Variants in SLC25A20 observed in about 807,000 individuals in gnomAD.
SLC25A20 encodes solute carrier family 25 member 20.
A neutral mutation model predicts 39.7 loss-of-function variants in SLC25A20; 29 were observed. That is an observed-to-expected ratio of 0.73 (90% confidence interval 0.54 to 1.00). The LOEUF is 1.00. Ranked by LOEUF, SLC25A20 falls within the 50% of genes least tolerant of loss-of-function variation. SLC25A20 has a pLI of 0.00. For missense variants in SLC25A20, 333 were observed against 379.9 expected, an observed-to-expected ratio of 0.88 and a Z score of 1.03; for synonymous variants, 103 against 142.2, an observed-to-expected ratio of 0.72 and a Z score of 1.96.
At chr3:48,864,749 C>T (rs1213709472) in intron 4 of SLC25A20, among the ~76,000 whole-genome samples, 1 of 151,922 alleles carries the variant, frequency 6.6e-6, no homozygotes, top group Admixed American at 6.6e-5. Context: ...TATGTACAGA[C>T]TATAAGAAGG....
chr3:48,896,291 G>A (rs748683841), intron 1 of SLC25A20, among the ~76,000 whole-genome samples: 8 of 150,944 alleles, frequency 5.3e-5, no homozygotes, highest in Non-Finnish European at 1.0e-4. Flanking sequence ...AGCCTCAGCC[G>A]CCTGAGTAGC....
In SLC25A20 at chr3:48,857,551, G is replaced by C; in HGVS notation, c.*159C>G. The C allele has an allele frequency of 1.5e-6, 1 of 688,838 alleles. No homozygotes were observed. Among genetic ancestry groups the C allele is most frequent in the Non-Finnish European group, 2.7e-6 (1 of 373,672 alleles). The allele number at this position is 688,838 out of a possible 1,614,324, so 42.7% of individuals were successfully genotyped here. ...ACACACTAAGTTATACACGGTGCAG[G>C]ATGTCATTAAGGCAACAGTCTCACC... On this transcript the variant is annotated 3_prime_UTR_variant, in exon 9 of 9. Transcript: ENST00000319017.
intron 2 of SLC25A20, among the ~76,000 whole-genome samples, chr3:48,890,815 C>T (rs890601890): frequency 7.3e-5 from 11 of 151,470 alleles, no homozygotes; most frequent in Admixed American, 3.3e-4. Flanking sequence ...CCACGACGTC[C>T]GGCTAATTTT....
chr3:48,867,075 G>A (rs1321182754), intron 4 of SLC25A20, among the ~76,000 whole-genome samples: 3 of 151,976 alleles, frequency 2.0e-5, no homozygotes, highest in African/African-American at 7.3e-5. Flanking sequence ...GATTACAGGT[G>A]TGAGCCACCG....
At chr3:48,892,795 G>A (rs2083886647) in intron 1 of SLC25A20, among the ~76,000 whole-genome samples, 1 of 152,106 alleles carries the variant, frequency 6.6e-6, no homozygotes, top group Non-Finnish European at 1.5e-5. Context: ...TCAGAATAAT[G>A]TGTGACCAAA....
chr3:48,879,591 T>A (rs2083784860), intron 3 of SLC25A20, 143 bp from the exon 4 acceptor site: 1 of 704,988 alleles, frequency 1.4e-6, no homozygotes, highest in Non-Finnish European at 2.6e-6. Context: ...TGAATCAGAT[T>A]TCGCACAAAA....
At chr3:48,891,914 G>A in intron 2 of SLC25A20, 66 bp downstream of exon 2, 2 of 1,275,360 alleles carry the variant, frequency 1.6e-6, no homozygotes, top group Non-Finnish European at 2.3e-6. Flanking sequence ...TACTCTCCTT[G>A]GGGGTAACAA....
At chr3:48,882,022 C>A (rs190928521) in intron 3 of SLC25A20, among the ~76,000 whole-genome samples, 2 of 152,194 alleles carry the variant, frequency 1.3e-5, no homozygotes, top group African/African-American at 4.8e-5. Flanking sequence ...AGAATACAAC[C>A]GCATGGCGCC....
intron 2 of SLC25A20, among the ~76,000 whole-genome samples, chr3:48,891,201 A>T (rs1343976151): frequency 6.6e-6 from 1 of 152,120 alleles, no homozygotes; most frequent in African/African-American, 2.4e-5. Context: ...CAGCCTCCCA[A>T]GTAGCTGGGA....
chr3:48,873,968 C>CA (rs11316117), intron 4 of SLC25A20, among the ~76,000 whole-genome samples: 162 of 40,822 alleles, frequency 4.0e-3, no homozygotes, highest in Admixed American at 5.1e-3. Flanking sequence ...GACTCCATCT[C>CA]AAAAAAAAAA....
chr3:48,884,911 C>T (rs188384419), intron 2 of SLC25A20, among the ~76,000 whole-genome samples: 29 of 147,090 alleles, frequency 2.0e-4, no homozygotes, highest in Middle Eastern at 3.8e-3. Flanking sequence ...AAAAAAAAAG[C>T]TACAAAACAG....
chr3:48,896,483 TTTTTGTTTTGTTTTGTTTTGTTTTG>T (rs144499213), intron 1 of SLC25A20, among the ~76,000 whole-genome samples: 2 of 147,000 alleles, frequency 1.4e-5, no homozygotes, highest in Non-Finnish European at 3.0e-5. Flanking sequence ...TTGCAGGTGG[TTTTTGTTTTGTTTTGTTTTGTTTTG>T]TTTTGTTTTG....
chr3:48,883,604 G>A (rs1328018272), intron 3 of SLC25A20, among the ~76,000 whole-genome samples: 2 of 140,186 alleles, frequency 1.4e-5, no homozygotes, highest in Non-Finnish European at 3.1e-5. Context: ...GGCCCAGGAA[G>A]ACCCACCAAG....
intron 4 of SLC25A20, among the ~76,000 whole-genome samples, chr3:48,866,690 C>CAGTCTGTTGCTCAGGCTCAAGTACAGTG (rs71077744): frequency 9.9e-5 from 15 of 152,070 alleles, no homozygotes; most frequent in South Asian, 6.2e-4. Context: ...GACAGGTTCC[C>CAGTCTGTTGCTCAGGCTCAAGTACAGTG]GATGATCTCT....
chr3:48,860,814 T>G (rs1435529778), intron 5 of SLC25A20, among the ~76,000 whole-genome samples: 4 of 150,300 alleles, frequency 2.7e-5, no homozygotes, highest in East Asian at 1.9e-4. Flanking sequence ...GAATATAGTA[T>G]TATTATTATT....
intron 3 of SLC25A20, among the ~76,000 whole-genome samples, chr3:48,879,871 T>C (rs1463698684): frequency 1.3e-5 from 2 of 152,106 alleles, no homozygotes; most frequent in Non-Finnish European, 2.9e-5. Context: ...TAACCCAGGA[T>C]CTGGACTTTA....
At chr3:48,885,908 C>T (rs2083825856) in intron 2 of SLC25A20, among the ~76,000 whole-genome samples, 1 of 152,100 alleles carries the variant, frequency 6.6e-6, no homozygotes, top group African/African-American at 2.4e-5. Flanking sequence ...GAAAGGTACA[C>T]TACAGAGCAT....
intron 3 of SLC25A20, among the ~76,000 whole-genome samples, chr3:48,883,618 C>CTTT (rs761695690): frequency 4.6e-4 from 45 of 97,366 alleles, no homozygotes; most frequent in East Asian, 7.1e-4. Context: ...CACCAAGGTC[C>CTTT]TTTTTTTTTT....
chr3:48,892,431 G>A (rs1042981605), intron 1 of SLC25A20, among the ~76,000 whole-genome samples: 2 of 151,932 alleles, frequency 1.3e-5, no homozygotes, highest in Admixed American at 1.3e-4. Flanking sequence ...GTATTGTATT[G>A]GTCAGAATTC....
Sources: allele counts gnomAD v4.1 joint callset (sites outside exome capture counted in the v4.1 genomes callset), GRCh38; gene constraint gnomAD v4.1.1; transcripts MANE v1.5; gene names NCBI Gene and HGNC (gene_info 2026-07-23, HGNC 2026-07-21).